The following PDLIM5 variants were observed in gnomAD, a reference collection of about 807,000 sequenced individuals.
PDLIM5 encodes the protein PDZ and LIM domain 5.
Under a neutral mutation model 64.2 loss-of-function variants are expected in PDLIM5, and 34 were observed. The observed-to-expected ratio is 0.53, with a 90% CI of 0.40 to 0.71. The LOEUF (loss-of-function observed/expected upper bound fraction) is 0.71, where lower values mean the gene tolerates loss of function less well. Ranked by LOEUF, PDLIM5 falls within the 30% of genes least tolerant of loss-of-function variation. The pLI, the probability that PDLIM5 is intolerant of heterozygous loss-of-function variation, is 0.00. For missense variants in PDLIM5, 683 were observed against 733.6 expected (o/e 0.93, Z 0.80); for synonymous variants, 253 against 269.1 (o/e 0.94, Z 0.59).
In PDLIM5 at chr4:94,551,753, C is replaced by G. The variant is rs181190853; in HGVS notation, c.249-21598C>G. Among the ~76,000 whole-genome samples the G allele has an allele frequency of 3.9e-5, 6 of 152,220 alleles. No homozygotes were observed. The East Asian group carries it at 1.2e-3, about 29-fold the overall frequency. On this transcript the variant is annotated intron_variant, in intron 3 of 12. Coordinates refer to ENST00000317968, the MANE Select transcript of PDLIM5 (RefSeq NM_006457.5). ...TTGAGGCAAAATAATGATTACCTAA[C>G]CAGCTACTGTGTCTGGTATATGACC... is the stretch of plus-strand genomic sequence containing the variant.
intron 2 of PDLIM5, among the ~76,000 whole-genome samples, chr4:94,512,002 T>C (rs1476485504): frequency 1.3e-5 from 2 of 152,108 alleles, no homozygotes; most frequent in African/African-American, 4.8e-5. Context: ...AGCAGTGGGA[T>C]TGCTGGATCA....
intron 8 of PDLIM5, among the ~76,000 whole-genome samples, chr4:94,630,436 G>A (rs530995615): frequency 1.5e-4 from 23 of 152,132 alleles, no homozygotes; most frequent in Admixed American, 4.6e-4. Flanking sequence ...GTCCAGTGGC[G>A]TGACCTGGGC....
At chr4:94,584,931 C>G in intron 5 of PDLIM5, 1 of 1,211,784 alleles carries the variant, frequency 8.3e-7, no homozygotes, top group East Asian at 2.3e-5. Flanking sequence ...TTTTCCTTTC[C>G]TTTTTCTTCA....
At chr4:94,557,681 G>A (rs1446023214) in intron 3 of PDLIM5, among the ~76,000 whole-genome samples, 10 of 152,092 alleles carry the variant, frequency 6.6e-5, no homozygotes, top group Non-Finnish European at 1.3e-4. Context: ...GTGAATGGGA[G>A]TTCACTCATA....
intron 2 of PDLIM5, among the ~76,000 whole-genome samples, chr4:94,478,154 G>T (rs1232077959): frequency 6.6e-6 from 1 of 151,332 alleles, no homozygotes; most frequent in East Asian, 1.9e-4. Context: ...TACTTAGGAA[G>T]CCGAGGCAGG....
At chr4:94,469,119 C>T (rs1330328494) in intron 2 of PDLIM5, among the ~76,000 whole-genome samples, 1 of 152,158 alleles carries the variant, frequency 6.6e-6, no homozygotes, top group Non-Finnish European at 1.5e-5. Flanking sequence ...ATCATTTATT[C>T]TGTATCTTTA....
At chr4:94,576,153 A>G in intron 5 of PDLIM5, 119 bp downstream of exon 5, 1 of 787,314 alleles carries the variant, frequency 1.3e-6, no homozygotes, top group Non-Finnish European at 2.0e-6. Context: ...GAGATGAAGT[A>G]TTATTTGCCT....
chr4:94,658,353 C>A (rs1468101108), intron 11 of PDLIM5, among the ~76,000 whole-genome samples: 1 of 152,196 alleles, frequency 6.6e-6, no homozygotes, highest in Admixed American at 6.5e-5. Flanking sequence ...AAGGACCTAT[C>A]TACTGCATTT....
At chr4:94,571,907 G>T (rs1734835831) in intron 3 of PDLIM5, among the ~76,000 whole-genome samples, 1 of 152,188 alleles carries the variant, frequency 6.6e-6, no homozygotes, top group South Asian at 2.1e-4. Context: ...ATAGAAGGTT[G>T]TGCAACTGCA....
chr4:94,573,305 A>G, intron 3 of PDLIM5, 46 bp from the exon 4 acceptor site: 1 of 1,519,224 alleles, frequency 6.6e-7, no homozygotes, highest in Non-Finnish European at 9.0e-7. Context: ...GCAAGTTTAT[A>G]AAAATTCATT....
chr4:94,581,359 A>G (rs775999937), intron 5 of PDLIM5, among the ~76,000 whole-genome samples: 31 of 152,218 alleles, frequency 2.0e-4, no homozygotes, highest in Non-Finnish European at 3.1e-4. Flanking sequence ...ATTTAACTTC[A>G]TATTAATATA....
At chr4:94,520,048 ACT>A (rs773485884) in intron 2 of PDLIM5, among the ~76,000 whole-genome samples, 10 of 152,128 alleles carry the variant, frequency 6.6e-5, no homozygotes, top group South Asian at 6.2e-4. Context: ...TAAAGATAAC[ACT>A]CTCTTCAGGA....
chr4:94,601,204 CTCAGTGTCTGG>C, intron 7 of PDLIM5, among the ~76,000 whole-genome samples: 1 of 152,294 alleles, frequency 6.6e-6, no homozygotes, highest in Admixed American at 6.5e-5. Flanking sequence ...TACCTGTACA[CTCAGTGTCTGG>C]TGAGGGACTG....
rs755388414 is a variant in PDLIM5 at position 94,664,840 on chromosome 4, A to T, written c.*773A>T. The T allele has an allele frequency of 5.0e-5, 31 of 624,592 alleles. No individual in the cohort carries two copies. The Admixed American group carries it at 8.9e-4, about 18-fold the overall frequency. 38.7% of individuals were successfully genotyped at this position (624,592 alleles called of 1,614,324 possible). A position where few individuals can be genotyped will look rare whatever the true frequency, so the allele number is the denominator to read the frequency against. On this transcript the variant is annotated 3_prime_UTR_variant, in exon 13 of 13. Transcript: ENST00000317968. The stretch of plus-strand genomic sequence containing the variant: ...AGCCAAGATCGTACCACTGCACTCC[A>T]GCCTGGGTGACAGAGTGAGACTCTG...
chr4:94,572,871 C>G (rs1227608105), intron 3 of PDLIM5, among the ~76,000 whole-genome samples: 1 of 152,182 alleles, frequency 6.6e-6, no homozygotes, highest in Non-Finnish European at 1.5e-5. Flanking sequence ...CCCAATTCAA[C>G]TAGAATGTAT....
chr4:94,530,006 A>G (rs1271252768), intron 3 of PDLIM5, among the ~76,000 whole-genome samples: 1 of 152,200 alleles, frequency 6.6e-6, no homozygotes, highest in Non-Finnish European at 1.5e-5. Context: ...TAATTAAACT[A>G]TTAACTGTAT....
At chr4:94,554,075 TTTG>T (rs1339981748) in intron 3 of PDLIM5, among the ~76,000 whole-genome samples, 5 of 152,194 alleles carry the variant, frequency 3.3e-5, no homozygotes, top group African/African-American at 1.2e-4. Context: ...TTTATAATCT[TTTG>T]TTGTCTTCAT....
intron 3 of PDLIM5, among the ~76,000 whole-genome samples, chr4:94,531,168 T>C (rs1730838082): frequency 6.6e-6 from 1 of 152,200 alleles, no homozygotes; most frequent in South Asian, 2.1e-4. Context: ...TCAGTTTAGC[T>C]TTTACTACTT....
intron 7 of PDLIM5, among the ~76,000 whole-genome samples, chr4:94,590,374 G>A (rs1736581326): frequency 6.6e-6 from 1 of 151,986 alleles, no homozygotes; most frequent in South Asian, 2.1e-4. Context: ...TTTCTGATGT[G>A]TATTTAAAAT....
Sources: allele counts gnomAD v4.1 joint callset (sites outside exome capture counted in the v4.1 genomes callset), GRCh38; gene constraint gnomAD v4.1.1; transcripts MANE v1.5; gene names NCBI Gene and HGNC (gene_info 2026-07-23, HGNC 2026-07-21).